GSN: variants seen among roughly 807,000 people sequenced by gnomAD.
GSN encodes the protein actin-depolymerizing factor.
In GSN, 56 loss-of-function variants were observed where a neutral mutation model predicts 85.7. The ratio of observed to expected loss-of-function variants is 0.65; its 90% CI spans 0.53 to 0.82. The LOEUF (loss-of-function observed/expected upper bound fraction) is 0.82. Among genes scored for constraint, GSN ranks in the 40% least tolerant of loss-of-function variants. GSN has a pLI of 0.00. For synonymous variants in GSN, 373 were observed against 399.1 expected, an observed-to-expected ratio of 0.93 and a Z score of 0.78; for missense variants, 857 against 979.8, an observed-to-expected ratio of 0.87 and a Z score of 1.67.
intron 2 of GSN, among the ~76,000 whole-genome samples, chr9:121,292,283 T>C (rs960220985): frequency 4.3e-4 from 65 of 151,934 alleles, no homozygotes; most frequent in Admixed American, 3.3e-4. Context: ...ATGGAGGGGA[T>C]TGGGTAGCAA....
At chr9:121,310,983 T>C (rs1421376930) in intron 5 of GSN, 138 bp downstream of exon 5, 8 of 760,086 alleles carry the variant, frequency 1.1e-5, no homozygotes, top group African/African-American at 5.2e-5. Flanking sequence ...CGTACAGATA[T>C]GTCTGTATGC....
At chr9:121,311,490 A>G (rs2061136146) in intron 5 of GSN, 1 of 158,230 alleles carries the variant, frequency 6.3e-6, no homozygotes, top group South Asian at 1.9e-4. Flanking sequence ...TCATGGGCAC[A>G]CAGAGGAGTG....
Position 121,235,409 on chromosome 9 carries a change from T to C in GSN, c.-389+4106T>C, listed in dbSNP as rs146589315. Among the ~76,000 whole-genome samples, 173 of 152,352 alleles carry C rather than the reference T, an allele frequency of 1.1e-3. 5 individuals are homozygous for C. The East Asian group carries it at 0.029, about 26-fold the overall frequency. On this transcript the variant is annotated intron_variant, in intron 5 of 24. Transcript: ENST00000373823. ...AGTCCCAGATTACCCAAAGAGATTA[T>C]GTGCTTAGCCACTGTCTTCCAAGGG...
intron 6 of GSN, among the ~76,000 whole-genome samples, chr9:121,249,699 T>C (rs886632886): frequency 6.6e-6 from 1 of 152,174 alleles, no homozygotes; most frequent in African/African-American, 2.4e-5. Context: ...GATTCCTCAA[T>C]AAACAAGGTC....
At chr9:121,238,603 A>T (rs769058386) in intron 5 of GSN, 11 of 235,202 alleles carry the variant, frequency 4.7e-5, no homozygotes, top group Admixed American at 4.0e-4. Flanking sequence ...ATACTCCTTA[A>T]TAAATTCCCC....
intron 4 of GSN, among the ~76,000 whole-genome samples, chr9:121,220,539 T>C (rs2054151180): frequency 1.4e-5 from 2 of 146,996 alleles, no homozygotes; most frequent in Non-Finnish European, 3.1e-5. Flanking sequence ...ACTCAGCCAA[T>C]GGGTGGGAGA....
At chr9:121,298,984 C>G (rs1343636136) in intron 2 of GSN, among the ~76,000 whole-genome samples, 1 of 152,072 alleles carries the variant, frequency 6.6e-6, no homozygotes, top group Admixed American at 6.5e-5. Context: ...AAATGGAAAC[C>G]AAACAAAACA....
chr9:121,311,111 T>A (rs1163254894), intron 5 of GSN: 14 of 511,406 alleles, frequency 2.7e-5, no homozygotes, highest in Non-Finnish European at 5.0e-5. Flanking sequence ...CTTTTTCACA[T>A]GCTTATAAAT....
chr9:121,223,519 T>C (rs780860741), intron 4 of GSN, among the ~76,000 whole-genome samples: 10 of 152,288 alleles, frequency 6.6e-5, no homozygotes, highest in Non-Finnish European at 1.2e-4. Flanking sequence ...CACCAAAGTA[T>C]ATATCATGGT....
chr9:121,294,777 G>A (rs1009208541), intron 2 of GSN, among the ~76,000 whole-genome samples: 2 of 152,152 alleles, frequency 1.3e-5, no homozygotes, highest in African/African-American at 2.4e-5. Flanking sequence ...ACTCTGCCAG[G>A]CACTTGTTTG....
At chr9:121,204,285 A>C (rs2053848967), upstream of GSN, among the ~76,000 whole-genome samples, 2 of 152,212 alleles carry the variant, frequency 1.3e-5, no homozygotes, top group Non-Finnish European at 2.9e-5. Flanking sequence ...ATTGGGTGGG[A>C]CTTAAATCTG....
In GSN at chr9:121,331,389, TC is replaced by T; in HGVS notation, c.1968del (p.Phe657LeufsTer17). The T allele has an allele frequency of 6.2e-7, 1 of 1,601,356 alleles. No homozygotes were observed. The highest frequency in any genetic ancestry group is 8.5e-7 in the Non-Finnish European group (1 of 1,170,246). ...TTTCCTGTTGCATCTCACCTCCAGG[TC>T]TTTGTCTGGGTTGGAAAGGATTCTC... ...DVMLLDTWDQ[V>X]FVWVGKDSQE... On this transcript the variant is annotated frameshift_variant and splice_region_variant, in exon 17 of 18. Coordinates refer to ENST00000432226, the MANE Select transcript of GSN (RefSeq NM_198252.3). LOFTEE classifies it high-confidence loss of function.
chr9:121,320,370 C>T (rs1230249062), intron 10 of GSN, among the ~76,000 whole-genome samples: 1 of 152,198 alleles, frequency 6.6e-6, no homozygotes, highest in Admixed American at 6.5e-5. Context: ...GCAGGCCCAG[C>T]ACAGTGGCTC....
At chr9:121,214,744 G>A (rs1298951484) in intron 4 of GSN, among the ~76,000 whole-genome samples, 1 of 152,162 alleles carries the variant, frequency 6.6e-6, no homozygotes, top group East Asian at 1.9e-4. Context: ...AGGAGCTACT[G>A]CATTAGTTAA....
intron 6 of GSN, 45 bp from the exon 7 acceptor site, chr9:121,313,889 C>G: frequency 1.4e-6 from 2 of 1,455,890 alleles, no homozygotes; most frequent in South Asian, 2.3e-5. Flanking sequence ...AGCCTGGCCC[C>G]TCCCTCACAG....
intron 2 of GSN, among the ~76,000 whole-genome samples, chr9:121,286,417 T>C (rs530823106): frequency 6.6e-6 from 1 of 152,346 alleles, no homozygotes; most frequent in East Asian, 1.9e-4. Context: ...ATCCACTGTC[T>C]CAACCCCAGC....
chr9:121,205,787 T>C (rs1196986539), upstream of GSN, among the ~76,000 whole-genome samples: 1 of 152,158 alleles, frequency 6.6e-6, no homozygotes, highest in African/African-American at 2.4e-5. Context: ...TTTTATAAAT[T>C]GTTTTGTAAA....
intron 4 of GSN, among the ~76,000 whole-genome samples, chr9:121,305,240 G>A (rs1053866761): frequency 2.6e-5 from 4 of 152,168 alleles, no homozygotes; most frequent in Admixed American, 2.0e-4. Context: ...TCTCACTGTA[G>A]CCTTTAGGGT....
At chr9:121,279,494 C>T (rs1026149302) in intron 1 of GSN, among the ~76,000 whole-genome samples, 6 of 151,882 alleles carry the variant, frequency 4.0e-5, no homozygotes, top group African/African-American at 1.2e-4. Flanking sequence ...AGGGGGGACA[C>T]TCTGGATGCA....
Sources: gnomAD v4.1 joint callset for allele counts (sites outside exome capture counted in the v4.1 genomes callset) on GRCh38, gnomAD v4.1.1 for gene constraint, MANE v1.5 for transcripts, NCBI Gene and HGNC (gene_info 2026-07-23, HGNC 2026-07-21) for gene names.